Variants in PHYHIP observed in about 807,000 individuals in gnomAD.
PHYHIP encodes phytanoyl-CoA hydroxylase-interacting protein.
A neutral mutation model predicts 26.1 loss-of-function variants in PHYHIP; 7 were observed. The observed-to-expected ratio is 0.27, with a 90% CI of 0.15 to 0.50. The LOEUF (loss-of-function observed/expected upper bound fraction) is 0.50, where lower values mean the gene tolerates loss of function less well. PHYHIP is among the 20% of genes least tolerant of loss of function. The probability of loss-of-function intolerance (pLI) is 0.98; values close to 1 mark genes in which losing one functional copy is unlikely to be tolerated. For synonymous variants in PHYHIP, 206 were observed against 183.4 expected, an observed-to-expected ratio of 1.12 and a Z score of -1.00; for missense variants, 232 against 454.7, an observed-to-expected ratio of 0.51 and a Z score of 4.45.
At chr8:22,231,563 G>C (rs1035436873) in intron 1 of PHYHIP, among the ~76,000 whole-genome samples, 1 of 152,168 alleles carries the variant, frequency 6.6e-6, no homozygotes. Flanking sequence ...GTCCCTGTTG[G>C]CATCGCTGAC....
rs1300408455 is a variant in PHYHIP at position 22,220,686 on chromosome 8, AAG to A, written c.*665_*666del. On this transcript the variant is annotated 3_prime_UTR_variant, in exon 5 of 5. Transcript: ENST00000454243. ...TGACGCCCCCAGTGCCAAGAGAAGA[AAG>A]AGAGTTCCTTTCTAGAGAGCAGGGG... The A allele has an allele frequency of 2.0e-5, 3 of 152,338 alleles. No individual in the cohort carries two copies. Among genetic ancestry groups the A allele is most frequent in the African/African-American group, 7.2e-5 (3 of 41,432 alleles). The allele number at this position is 152,338 out of a possible 1,614,324, so 9.4% of individuals were successfully genotyped here. A position where few individuals can be genotyped will look rare whatever the true frequency, so the allele number is the denominator to read the frequency against.
intron 2 of PHYHIP, among the ~76,000 whole-genome samples, chr8:22,227,253 G>C (rs1454428418): frequency 6.6e-6 from 1 of 152,196 alleles, no homozygotes; most frequent in Non-Finnish European, 1.5e-5. Flanking sequence ...CCGTTCTCTT[G>C]GGAACGGAGG....
intron 2 of PHYHIP, among the ~76,000 whole-genome samples, 198 bp downstream of exon 2, chr8:22,227,995 T>C (rs1829786159): frequency 6.6e-6 from 1 of 152,268 alleles, no homozygotes; most frequent in African/African-American, 2.4e-5. Context: ...CCGTGAGGCT[T>C]GGCATTGTTA....
At chr8:22,226,750 T>C (rs746024392) in intron 3 of PHYHIP, 101 bp downstream of exon 3, 2 of 1,084,926 alleles carry the variant, frequency 1.8e-6, no homozygotes, top group Non-Finnish European at 2.6e-6. Flanking sequence ...GGACAGAAGG[T>C]GTTCATCAGT....
At chr8:22,223,825 G>C (rs889177660) in intron 4 of PHYHIP, 2 of 163,462 alleles carry the variant, frequency 1.2e-5, no homozygotes, top group African/African-American at 4.8e-5. Flanking sequence ...CGACGAGCTG[G>C]GTGCTTCCTC....
intron 3 of PHYHIP, among the ~76,000 whole-genome samples, chr8:22,226,499 CA>C (rs1829747528): frequency 6.6e-6 from 1 of 152,280 alleles, no homozygotes; most frequent in South Asian, 2.1e-4. Flanking sequence ...CTGTACACTT[CA>C]AAATGGTCGA....
intron 1 of PHYHIP, among the ~76,000 whole-genome samples, chr8:22,230,279 C>T (rs140797780): frequency 1.2e-3 from 178 of 152,128 alleles, no homozygotes; most frequent in South Asian, 4.0e-3. Context: ...CCCACCCACA[C>T]GCTCGGAGGC....
rs1174213911 is a variant in PHYHIP, at chr8:22,220,978, C to T, written c.*375G>A. ...CTCTTCTGGAGGCAGCCAAGCTACC[C>T]ATGGGCTTTGGCCCAGAGGGGCTTC... On this transcript the variant is annotated 3_prime_UTR_variant, in exon 5 of 5. Transcript: ENST00000454243. The T allele has an allele frequency of 4.7e-6, 1 of 212,724 alleles. No individual in the cohort carries two copies. The highest frequency in any genetic ancestry group is 2.3e-5 in the African/African-American group (1 of 44,074). 13.2% of individuals were successfully genotyped at this position (212,724 alleles called of 1,614,324 possible). A position where few individuals can be genotyped will look rare whatever the true frequency, so the allele number is the denominator to read the frequency against.
Position 22,221,193 on chromosome 8 carries a change from C to G in PHYHIP, c.*160G>C. 1 of 657,448 alleles carries G rather than the reference C, an allele frequency of 1.5e-6. No individual in the cohort carries two copies. Among genetic ancestry groups the G allele is most frequent in the Non-Finnish European group, 2.5e-6 (1 of 398,786 alleles). The allele number at this position is 657,448 out of a possible 1,614,324, so 40.7% of individuals were successfully genotyped here. ...TGTGGGCCACACTTACCAAGAGGAC[C>G]ACCGTCTGTTGCCTCCAATGCCAAG... is the stretch of plus-strand genomic sequence containing the variant. On this transcript the variant is annotated 3_prime_UTR_variant, in exon 5 of 5. Transcript: ENST00000454243. This position sits in a 1 kb window ranked among gnomAD's most constrained non-coding sequence, Gnocchi z 7.9.
intron 2 of PHYHIP, among the ~76,000 whole-genome samples, chr8:22,227,478 T>C (rs543971044): frequency 6.6e-6 from 1 of 152,214 alleles, no homozygotes; most frequent in Admixed American, 6.5e-5. Context: ...GACACCCAGA[T>C]CGGGAGAGCC....
chr8:22,225,149 A>G lies in PHYHIP; in HGVS notation c.341-806T>C, dbSNP rs1829717044. ...GGTAAACCAAGAAGCTTTCCCCACCAGGAGCAAGAGGCCTCCAGAGAGTGG... is the reference window on the plus strand; with the variant it reads ...GGTAAACCAAGAAGCTTTCCCCACCGGGAGCAAGAGGCCTCCAGAGAGTGG... On this transcript the variant is annotated intron_variant, in intron 3 of 4. Coordinates refer to ENST00000454243, the MANE Select transcript of PHYHIP (RefSeq NM_014759.5). 2.0e-5 allele frequency among the ~76,000 whole-genome samples: 3 copies of G among 152,306 alleles called. No individual in the cohort carries two copies. The South Asian group carries it at 6.2e-4, about 32-fold the overall frequency.
Position 22,221,931 on chromosome 8 carries a change from G to A in PHYHIP, c.459-44C>T. ...CACACCAAAGGGAAGAGAAGATGTG[G>A]CTGGTGAGCCGGGCTGAGGCTTGGC... On this transcript the variant is annotated intron_variant, in intron 4 of 4. Transcript: ENST00000454243. This position sits in a 1 kb window ranked among gnomAD's most constrained non-coding sequence, Gnocchi z 7.9. 1 of 1,449,860 alleles carries A rather than the reference G, an allele frequency of 6.9e-7. No individual in the cohort carries two copies. Among genetic ancestry groups the A allele is most frequent in the Non-Finnish European group, 9.1e-7 (1 of 1,095,020 alleles). 89.8% of individuals were successfully genotyped at this position (1,449,860 alleles called of 1,614,324 possible).
chr8:22,221,674 G>A lies in PHYHIP; in HGVS notation c.672C>T (p.Asp224=). 1.2e-6 allele frequency: 2 copies of A among 1,612,932 alleles called. No individual in the cohort carries two copies. The highest frequency in any genetic ancestry group is 1.7e-6 in the Non-Finnish European group (2 of 1,179,592). The change falls in exon 5 of 5, where the codon GAC becomes GAT. Residue 224 remains aspartate (D), a synonymous_variant. Coordinates refer to ENST00000454243, the MANE Select transcript of PHYHIP (RefSeq NM_014759.5). The surrounding 1 kb of genome is among the most constrained non-coding windows in gnomAD (Gnocchi z 7.9). ...FNPSTNLYFA[D]FYCMYTAYHY... is the part of the protein sequence containing the mutation. ...GGTAGGCCGTGTACATGCAGTAGAA[G>A]TCCGCAAAGTAGAGGTTGGTGCTGG...
At chr8:22,228,704 G>T (rs555977446) in intron 1 of PHYHIP, 1 of 185,260 alleles carries the variant, frequency 5.4e-6, no homozygotes, top group African/African-American at 2.3e-5. Flanking sequence ...GAGGAGGGAG[G>T]GGGCCCTCAG....
chr8:22,221,878 G>A lies in PHYHIP; in HGVS notation c.468C>T (p.Cys156=), dbSNP rs549684042. The A allele has an allele frequency of 2.9e-5, 44 of 1,522,478 alleles. No homozygotes were observed. Among genetic ancestry groups the A allele is most frequent in the Non-Finnish European group, 3.4e-5 (39 of 1,131,998 alleles). 94.3% of individuals were successfully genotyped at this position (1,522,478 alleles called of 1,614,324 possible). A position where few individuals can be genotyped will look rare whatever the true frequency, so the allele number is the denominator to read the frequency against. The change falls in exon 5 of 5, where the codon TGC becomes TGT. Residue 156 remains cysteine (C), a synonymous_variant. Transcript: ENST00000454243. The surrounding 1 kb of genome is among the most constrained non-coding windows in gnomAD (Gnocchi z 7.9). ...KEYFQHARTH[C]GNMLQPYLKD... is the part of the protein sequence containing the mutation. The stretch of plus-strand genomic sequence containing the variant: ...TCAGGTAAGGCTGCAGCATGTTCCC[G>A]CAGTGGGTCCTGCCCACCCCAGGGA...
At chr8:22,224,589 G>T (rs193088936) in intron 3 of PHYHIP, among the ~76,000 whole-genome samples, 1 of 152,312 alleles carries the variant, frequency 6.6e-6, no homozygotes, top group Admixed American at 6.5e-5. Flanking sequence ...CAGAGGCTCC[G>T]GGCTCTCCGG....
Position 22,221,414 on chromosome 8 carries a change from G to A in PHYHIP, c.932C>T (p.Ser311Phe). The A allele has an allele frequency of 6.2e-7, 1 of 1,613,538 alleles. No individual in the cohort carries two copies. Residue 311 changes from serine to phenylalanine, a missense_variant, in exon 5 of 5, where the codon TCT becomes TTT. Physicochemically the swap from Ser to Phe is radical, Grantham distance 155. Coordinates refer to ENST00000454243, the MANE Select transcript of PHYHIP (RefSeq NM_014759.5). The surrounding 1 kb of genome is among the most constrained non-coding windows in gnomAD (Gnocchi z 7.9). Reference sequence around the variant, plus strand: ...GGGGTCCTTCTTGGCATCGGCAGTAGACAGACTCATGAGCTGGTGCCCACT... The same window carrying A: ...GGGGTCCTTCTTGGCATCGGCAGTAAACAGACTCATGAGCTGGTGCCCACT... ...EISGHQLMSL[S>F]TADAKKDPSC...
At chr8:22,228,563 A>G in intron 1 of PHYHIP, 177 bp from the exon 2 acceptor site, 1 of 520,942 alleles carries the variant, frequency 1.9e-6, no homozygotes, top group Non-Finnish European at 3.4e-6. Context: ...GGAGGGTGGA[A>G]AGGGGTGCCT....
chr8:22,226,564 G>A (rs1422010349), intron 3 of PHYHIP, among the ~76,000 whole-genome samples: 2 of 152,200 alleles, frequency 1.3e-5, no homozygotes, highest in Admixed American at 1.3e-4. Context: ...AAAGATGCCT[G>A]TGATCTGGTA....
Sources: gnomAD v4.1 joint callset for allele counts (sites outside exome capture counted in the v4.1 genomes callset) on GRCh38, gnomAD v4.1.1 for gene constraint, Gnocchi (gnomAD v3.1) non-coding constraint, MANE v1.5 for transcripts, NCBI Gene and HGNC (gene_info 2026-07-23, HGNC 2026-07-21) for gene names.